ZC3H7A: variants seen among roughly 807,000 people sequenced by gnomAD.
The protein encoded by ZC3H7A is zinc finger CCCH-type containing 7A.
In ZC3H7A, 44 loss-of-function variants were observed where a neutral mutation model predicts 125.5. That is an observed-to-expected ratio of 0.35 (90% CI 0.28 to 0.45). The LOEUF is 0.45. Among genes scored for constraint, ZC3H7A ranks in the 20% least tolerant of loss-of-function variants. ZC3H7A has a pLI of 1.00. For missense variants in ZC3H7A, 977 were observed against 1,170.7 expected (o/e 0.83, Z 2.41); for synonymous variants, 399 against 391.2 (o/e 1.02, Z -0.23).
intron 1 of ZC3H7A, among the ~76,000 whole-genome samples, chr16:11,788,760 C>T (rs1192940071): frequency 2.0e-5 from 3 of 151,756 alleles, no homozygotes; most frequent in Admixed American, 6.6e-5. Context: ...GTTACAGGTA[C>T]GCACCAGCAC....
At position 11,787,668 on chromosome 16, in the gene ZC3H7A, A is replaced by T. The variant is rs147187995; in HGVS notation, c.-34-5280T>A. Among the ~76,000 whole-genome samples the T allele has an allele frequency of 2.9e-3, 447 of 152,182 alleles. 3 individuals are homozygous for T. The highest frequency in any genetic ancestry group is 3.5e-3 in the Admixed American group (54 of 15,272). On this transcript the variant is annotated intron_variant, in intron 1 of 22. Transcript: ENST00000355758. ...GGGATTAAAAGCACAGGGACTGGCC[A>T]GGCACAGTGGCTCACGTCTGTAATC... is the stretch of plus-strand genomic sequence containing the variant.
intron 1 of ZC3H7A, chr16:11,796,453 C>A (rs1054354823): frequency 1.3e-5 from 2 of 152,558 alleles, no homozygotes; most frequent in Non-Finnish European, 2.9e-5. Flanking sequence ...CAACTCCTGG[C>A]AAATCCACCC....
chr16:11,759,263 C>A (rs115262993), intron 19 of ZC3H7A: 3 of 152,318 alleles, frequency 2.0e-5, no homozygotes, highest in African/African-American at 7.2e-5. Flanking sequence ...ATACCATCAA[C>A]CTACTTGTCT....
intron 1 of ZC3H7A, among the ~76,000 whole-genome samples, chr16:11,790,543 T>A (rs1014607588): frequency 6.6e-6 from 1 of 152,148 alleles, no homozygotes; most frequent in African/African-American, 2.4e-5. Context: ...TCGTCGTCGT[T>A]ATTATTGTTG....
chr16:11,766,460 T>G (rs2052859511), intron 13 of ZC3H7A, among the ~76,000 whole-genome samples: 1 of 152,152 alleles, frequency 6.6e-6, no homozygotes, highest in Non-Finnish European at 1.5e-5. Context: ...AGCTATTCGG[T>G]AGCTGAGTCA....
chr16:11,788,982 A>G (rs895125338), intron 1 of ZC3H7A, among the ~76,000 whole-genome samples: 3 of 152,144 alleles, frequency 2.0e-5, no homozygotes, highest in African/African-American at 4.8e-5. Context: ...TATGCATGGG[A>G]TAAAACTGCA....
At chr16:11,781,690 T>A (rs980640457) in intron 2 of ZC3H7A, among the ~76,000 whole-genome samples, 7 of 151,390 alleles carry the variant, frequency 4.6e-5, no homozygotes, top group African/African-American at 1.7e-4. Flanking sequence ...CCTTAGTATT[T>A]TTTAAGTACA....
At chr16:11,780,879 T>C (rs938883952) in intron 3 of ZC3H7A, among the ~76,000 whole-genome samples, 1 of 152,142 alleles carries the variant, frequency 6.6e-6, no homozygotes, top group African/African-American at 2.4e-5. Context: ...CACTAGTTCT[T>C]CCCTCTTGGT....
chr16:11,759,911 G>A (rs12927907), intron 19 of ZC3H7A: 11,199 of 152,128 alleles, frequency 0.074, 602 homozygotes, highest in South Asian at 0.24. Context: ...TCAAGAGTCC[G>A]AGACCAGCCT....
At chr16:11,763,234 A>G (rs1158273904) in intron 16 of ZC3H7A, 5 of 313,958 alleles carry the variant, frequency 1.6e-5, no homozygotes, top group Non-Finnish European at 2.9e-5. Flanking sequence ...CAGCCTCCCA[A>G]GTAGCTGGTA....
Position 11,756,345 on chromosome 16 carries a change from T to C in ZC3H7A, c.2454A>G (p.Glu818=), listed in dbSNP as rs531452041. 1 of 1,613,594 alleles carries C rather than the reference T, an allele frequency of 6.2e-7. No homozygotes were observed. Among genetic ancestry groups the C allele is most frequent in the South Asian group, 1.1e-5 (1 of 90,870 alleles). ...NGIQDMEQFY[E]LWLKSQKNEK... ...CATTTTTTTGACTCTTGAGCCATAG[T>C]TCGTAAAATTGCTCCATATCTTGTA... Residue 818 remains glutamate (E), a synonymous_variant, in exon 21 of 23, where the codon GAA becomes GAG. Transcript: ENST00000355758.
rs1224938376 is a variant in ZC3H7A at position 11,797,192 on chromosome 16, T to TGGC, written c.-106_-104dup. Reference sequence around the variant, plus strand: ...GCGGGCGGCGGCAGGCGGGCAGCGGTGGCGGCGGCGGCGGCGGGGCCTGGG... The same window carrying TGGC: ...GCGGGCGGCGGCAGGCGGGCAGCGGTGGCGGCGGCGGCGGCGGCGGGGCCTGGG... On this transcript the variant is annotated 5_prime_UTR_variant, in exon 1 of 23. Coordinates refer to ENST00000355758, the MANE Select transcript of ZC3H7A (RefSeq NM_014153.4). The TGGC allele has an allele frequency of 3.3e-4, 51 of 154,294 alleles. No individual in the cohort carries two copies. Among genetic ancestry groups the TGGC allele is most frequent in the East Asian group, 2.1e-3 (11 of 5,336 alleles). 9.6% of individuals were successfully genotyped at this position (154,294 alleles called of 1,614,324 possible).
intron 1 of ZC3H7A, among the ~76,000 whole-genome samples, chr16:11,795,422 TTGTA>T (rs147854211): frequency 7.9e-5 from 12 of 152,224 alleles, no homozygotes; most frequent in Admixed American, 5.2e-4. Flanking sequence ...ATACGTGTCA[TTGTA>T]TGTATGTATG....
chr16:11,769,827 T>C (rs1042222194), intron 10 of ZC3H7A, among the ~76,000 whole-genome samples: 2 of 125,914 alleles, frequency 1.6e-5, no homozygotes, highest in Non-Finnish European at 3.2e-5. Flanking sequence ...TCTCATTCTG[T>C]CACCCATGCT....
At chr16:11,794,496 C>CT (rs1167469699) in intron 1 of ZC3H7A, among the ~76,000 whole-genome samples, 1 of 152,108 alleles carries the variant, frequency 6.6e-6, no homozygotes, top group Non-Finnish European at 1.5e-5. Context: ...ACACCTCACA[C>CT]TTTAAGTAAT....
At chr16:11,757,877 G>T (rs1157303427) in intron 20 of ZC3H7A, among the ~76,000 whole-genome samples, 1 of 152,192 alleles carries the variant, frequency 6.6e-6, no homozygotes, top group Non-Finnish European at 1.5e-5. Context: ...GTTTACTTAA[G>T]ATTAAAGAAT....
rs1441484666 is a variant in ZC3H7A, at chr16:11,765,594, T to C, written c.1614A>G (p.Lys538=). 2 of 1,614,086 alleles carry C rather than the reference T, an allele frequency of 1.2e-6. No homozygotes were observed. ...AGAAAGCCTCCCGGCTGAATGCTCC[T>C]TTCCGCTCCAGTGTCCACACATCTA... The part of the protein sequence containing the change: ...EEIDVWTLER[K]GAFSREAFFG... Residue 538 remains lysine (K), a synonymous_variant, in exon 14 of 23, where the codon AAA becomes AAG. Transcript: ENST00000355758. This position sits in a 1 kb window ranked among gnomAD's most constrained non-coding sequence, Gnocchi z 4.8.
Position 11,770,997 on chromosome 16 carries a change from A to T in ZC3H7A, c.904-10T>A. The T allele has an allele frequency of 6.3e-7, 1 of 1,585,532 alleles. No homozygotes were observed. ...TGACTAAAGCTGACGGCTGCGGAAG[A>T]AAAAAAGATGTGATTAAAATTCATG... is the stretch of plus-strand genomic sequence containing the variant. On this transcript the variant is annotated splice_polypyrimidine_tract_variant and intron_variant, in intron 9 of 22. Coordinates refer to ENST00000355758, the MANE Select transcript of ZC3H7A (RefSeq NM_014153.4).
At position 11,770,822 on chromosome 16, in the gene ZC3H7A, A is replaced by T; in HGVS notation, c.1069T>A (p.Ser357Thr). ...PLTSSLEDFC[S>T]SLNSFSMSES... ...CTCATTGAAAATGAATTTAAAGAAG[A>T]ACAAAAATCTTCTAAGGATGAAGTC... Residue 357 changes from serine (S) to threonine (T), a missense_variant, in exon 10 of 23, where the codon TCT becomes ACT. Physicochemically the swap from Ser to Thr is moderately conservative, Grantham distance 58. Around this residue, in one of 3 missense-constraint regions of ZC3H7A, gnomAD observed 342 missense variants for 311.3 expected, o/e 1.10. Transcript: ENST00000355758. 1 of 1,614,188 alleles carries T rather than the reference A, an allele frequency of 6.2e-7. No homozygotes were observed. Among genetic ancestry groups the T allele is most frequent in the Non-Finnish European group, 8.5e-7 (1 of 1,180,022 alleles).
Sources: allele counts gnomAD v4.1 joint callset (sites outside exome capture counted in the v4.1 genomes callset), GRCh38; gene constraint gnomAD v4.1.1; regional missense constraint gnomAD v4.1.1; non-coding constraint Gnocchi (gnomAD v3.1); transcripts MANE v1.5; gene names NCBI Gene and HGNC (gene_info 2026-07-23, HGNC 2026-07-21).